Variants in ACP6 observed in about 807,000 individuals in gnomAD.
ACP6 encodes the protein acid phosphatase 6, lysophosphatidic.
ACP6 carries 48 observed loss-of-function variants against 48.1 expected under a neutral mutation model. The ratio of observed to expected loss-of-function variants is 1.00; its 90% CI spans 0.79 to 1.27. ACP6 has a LOEUF of 1.27. Among genes scored for constraint, ACP6 ranks in the 50% most tolerant of loss-of-function variants. The probability of loss-of-function intolerance (pLI) is 0.00; values close to 1 mark genes in which losing one functional copy is unlikely to be tolerated. For synonymous variants in ACP6, 172 were observed against 204.2 expected (o/e 0.84, Z 1.34); for missense variants, 485 against 529.1 (o/e 0.92, Z 0.82).
Position 147,654,297 on chromosome 1 carries a change from G to A in ACP6, c.677C>T (p.Pro226Leu), listed in dbSNP as rs1372211955. Reference sequence around the variant, plus strand: ...CTTTTTCAAATCCTCTGAGATTCCTGGCTGTAAAGAGGCAGTCTGCCTCCG... The same window carrying A: ...CTTTTTCAAATCCTCTGAGATTCCTAGCTGTAAAGAGGCAGTCTGCCTCCG... ...RGRRQTASLQ[P>L]GISEDLKKVK... is the part of the protein sequence containing the mutation. Residue 226 changes from proline (P) to leucine (L), a missense_variant, in exon 6 of 10, where the codon CCA becomes CTA. By Grantham distance (98) the Pro-to-Leu change is moderately conservative. Coordinates refer to ENST00000583509, the MANE Select transcript of ACP6 (RefSeq NM_016361.5). The A allele has an allele frequency of 6.2e-7, 1 of 1,614,036 alleles. No homozygotes were observed. The highest frequency in any genetic ancestry group is 2.2e-5 in the East Asian group (1 of 44,890).
At chr1:147,652,365 G>C in intron 7 of ACP6, 84 bp downstream of exon 7, 1 of 1,347,176 alleles carries the variant, frequency 7.4e-7, no homozygotes, top group Non-Finnish European at 1.0e-6. Context: ...TGTCAGGTGT[G>C]AGTGGGCCTG....
chr1:147,632,857 G>A (rs587636939), intron 5 of ACP6, among the ~76,000 whole-genome samples: 193 of 152,242 alleles, frequency 1.3e-3, no homozygotes, highest in African/African-American at 4.3e-3. Context: ...TGGCGATTCA[G>A]TGGAGAGTAA....
At chr1:147,648,485 A>T in intron 8 of ACP6, 74 bp from the exon 9 acceptor site, 2 of 1,540,362 alleles carry the variant, frequency 1.3e-6, no homozygotes, top group Non-Finnish European at 1.8e-6. Context: ...TGCCTCCTTT[A>T]CGTAAGACAC....
chr1:147,659,207 G>A (rs11240096), intron 3 of ACP6, 168 bp from the exon 4 acceptor site: 10 of 1,026,200 alleles, frequency 9.7e-6, no homozygotes, highest in South Asian at 1.7e-5. Flanking sequence ...TGAGAGACTC[G>A]AAGTGCAATG....
exon 6 of ACP6, chr1:147,629,855 G>A (rs913624747): frequency 6.6e-6 from 1 of 152,116 alleles, no homozygotes; most frequent in Non-Finnish European, 1.5e-5. Flanking sequence ...AAACAGACAC[G>A]AATCTATTTT....
At chr1:147,634,722 A>T (rs782030601) in intron 5 of ACP6, among the ~76,000 whole-genome samples, 1 of 152,182 alleles carries the variant, frequency 6.6e-6, no homozygotes, top group Non-Finnish European at 1.5e-5. Flanking sequence ...TGATTGATTC[A>T]TCAGTCTCTA....
At chr1:147,651,778 C>T (rs1197562670) in intron 7 of ACP6, 1 of 152,188 alleles carries the variant, frequency 6.6e-6, no homozygotes, top group African/African-American at 2.4e-5. Flanking sequence ...CCCAGGGCTA[C>T]TTCCTACCTC....
chr1:147,646,340 T>C lies in ACP6; in HGVS notation c.*1083A>G, dbSNP rs997476566. On this transcript the variant is annotated 3_prime_UTR_variant, in exon 10 of 10. Coordinates refer to ENST00000583509, the MANE Select transcript of ACP6 (RefSeq NM_016361.5). The stretch of plus-strand genomic sequence containing the variant: ...GGAGGAGGGGGGTTTGATTCTAACA[T>C]GGAAAGTTTTGTGCCAGTGAAATCC... 6.6e-6 allele frequency: 1 copy of C among 152,182 alleles called. No individual in the cohort carries two copies. The highest frequency in any genetic ancestry group is 1.9e-4 in the East Asian group (1 of 5,172). 9.4% of individuals were successfully genotyped at this position (152,182 alleles called of 1,614,324 possible).
chr1:147,668,408 C>T (rs587681939), intron 1 of ACP6, among the ~76,000 whole-genome samples: 1 of 138,424 alleles, frequency 7.2e-6, no homozygotes. Flanking sequence ...TTTCCTAGTG[C>T]CTTCAGGATA....
chr1:147,656,478 T>A (rs587760869), intron 4 of ACP6, among the ~76,000 whole-genome samples: 2 of 152,344 alleles, frequency 1.3e-5, no homozygotes, highest in East Asian at 3.9e-4. Flanking sequence ...TCTGCAAGAT[T>A]TGTTGTGAAA....
intron 7 of ACP6, 114 bp from the exon 8 acceptor site, chr1:147,650,352 G>A (rs1452712548): frequency 1.5e-6 from 1 of 683,498 alleles, no homozygotes; most frequent in Non-Finnish European, 2.3e-6. Context: ...AAAAAGGCAA[G>A]TAATGCATAA....
At chr1:147,668,858 G>T (rs782258537) in intron 1 of ACP6, among the ~76,000 whole-genome samples, 4 of 152,146 alleles carry the variant, frequency 2.6e-5, no homozygotes, top group Non-Finnish European at 4.4e-5. Flanking sequence ...GTTTCCAGTT[G>T]TACAATGTAA....
downstream of ACP6, among the ~76,000 whole-genome samples, chr1:147,641,018 A>T (rs1659433908): frequency 6.6e-6 from 1 of 152,144 alleles, no homozygotes; most frequent in African/African-American, 2.4e-5. Flanking sequence ...TAGCAGCCCC[A>T]GGACACGCTC....
rs782639646 is a variant in ACP6 at position 147,669,817 on chromosome 1, G to A, written c.219+13C>T. 1 of 1,559,690 alleles carries A rather than the reference G, an allele frequency of 6.4e-7. No individual in the cohort carries two copies. Among genetic ancestry groups the A allele is most frequent in the Non-Finnish European group, 8.7e-7 (1 of 1,146,674 alleles). On this transcript the variant is annotated intron_variant, in intron 1 of 9. Transcript: ENST00000583509. ...CCTCGCCCCACCAGCCCCAGCCCGG[G>A]CCGACCTCTCACCTGCTCCTCCAGC...
chr1:147,651,435 G>A (rs56936807), intron 7 of ACP6: 9,423 of 152,144 alleles, frequency 0.062, 835 homozygotes, highest in African/African-American at 0.2. Flanking sequence ...ATGTTACAAG[G>A]GCAGAGATGA....
In ACP6 at chr1:147,647,529, G is replaced by A. The variant is rs369827104; in HGVS notation, c.1181C>T (p.Pro394Leu). 9.3e-6 allele frequency: 15 copies of A among 1,613,716 alleles called. No individual in the cohort carries two copies. Among genetic ancestry groups the A allele is most frequent in the African/African-American group, 6.7e-5 (5 of 74,888 alleles). ...CATGGCATTCAAGAACATGTCCAGC[G>A]GGCAGAGCCCATCAGGGCAACCTCT... ...VPRGCPDGLC[P>L]LDMFLNAMSV... Residue 394 changes from proline (P) to leucine (L), a missense_variant, in exon 10 of 10, where the codon CCG becomes CTG. Coordinates refer to ENST00000583509, the MANE Select transcript of ACP6 (RefSeq NM_016361.5).
At chr1:147,663,007 G>A (rs1290653668) in intron 1 of ACP6, among the ~76,000 whole-genome samples, 1 of 152,170 alleles carries the variant, frequency 6.6e-6, no homozygotes, top group Non-Finnish European at 1.5e-5. Context: ...ACTCACTGAA[G>A]GCTCAGGTAA....
chr1:147,647,899 A>C, intron 9 of ACP6: 1 of 489,862 alleles, frequency 2.0e-6, no homozygotes, highest in Non-Finnish European at 3.7e-6. Context: ...GGGTGCTAAC[A>C]GCAGCACACA....
At chr1:147,650,314 G>T in intron 7 of ACP6, 76 bp from the exon 8 acceptor site, 1 of 1,065,740 alleles carries the variant, frequency 9.4e-7, no homozygotes, top group East Asian at 2.8e-5. Context: ...TCTGCCCCCA[G>T]GACCTCATGA....
Sources: gnomAD v4.1 joint callset for allele counts (sites outside exome capture counted in the v4.1 genomes callset) on GRCh38, gnomAD v4.1.1 for gene constraint, MANE v1.5 for transcripts, NCBI Gene and HGNC (gene_info 2026-07-23, HGNC 2026-07-21) for gene names.